NLRP5: variants seen among roughly 807,000 people sequenced by gnomAD.
The protein encoded by NLRP5 is NLR family pyrin domain containing 5, also known as NACHT, LRR and PYD domains-containing protein 5.
NLRP5 carries 93 observed loss-of-function variants against 113.1 expected under a neutral mutation model. The ratio of observed to expected loss-of-function variants is 0.82; its 90% CI spans 0.70 to 0.98. NLRP5 has a LOEUF of 0.98. Ranked by LOEUF, NLRP5 falls within the 50% of genes least tolerant of loss-of-function variation. NLRP5 has a pLI of 0.00. For missense variants in NLRP5, 1,808 were observed against 1,514.3 expected (o/e 1.19, Z -3.22); for synonymous variants, 751 against 600.7 (o/e 1.25, Z -3.66).
At chr19:55,997,185 TTG>T (rs1386179447), upstream of NLRP5, among the ~76,000 whole-genome samples, 1 of 151,116 alleles carries the variant, frequency 6.6e-6, no homozygotes, top group African/African-American at 2.5e-5. Flanking sequence ...ATGGGGTTGT[TTG>T]TTTTTTTTCT....
At chr19:56,034,818 G>T (rs879413439) in intron 9 of NLRP5, among the ~76,000 whole-genome samples, 1 of 112,004 alleles carries the variant, frequency 8.9e-6, no homozygotes, top group African/African-American at 2.6e-5. Flanking sequence ...CCAGGGACAC[G>T]TTGGTTGGTT....
upstream of NLRP5, among the ~76,000 whole-genome samples, chr19:55,998,630 G>C (rs1280240704): frequency 2.7e-5 from 4 of 147,826 alleles, no homozygotes; most frequent in Admixed American, 2.7e-4. Flanking sequence ...TCCAGCCCGG[G>C]CGACAATGCA....
chr19:56,033,096 A>C (rs988637343), intron 8 of NLRP5, among the ~76,000 whole-genome samples: 2 of 151,972 alleles, frequency 1.3e-5, no homozygotes, highest in Middle Eastern at 3.2e-3. Flanking sequence ...AAATACAAAA[A>C]AAAAATTAGC....
the NLRP5 span, among the ~76,000 whole-genome samples, chr19:55,992,569 T>C: frequency 5.3e-5 from 8 of 152,136 alleles, no homozygotes; most frequent in African/African-American, 1.9e-4. Flanking sequence ...AACATTCTTA[T>C]GGGATTCTCT....
At chr19:55,991,359 C>G in the NLRP5 span, among the ~76,000 whole-genome samples, 1 of 152,106 alleles carries the variant, frequency 6.6e-6, no homozygotes, top group Non-Finnish European at 1.5e-5. Context: ...ATTTTCTTGT[C>G]TAGTTTTGGC....
At chr19:55,987,834 G>A in the NLRP5 span, 8 of 1,613,836 alleles carry the variant, frequency 5.0e-6, no homozygotes, top group East Asian at 2.2e-5. Flanking sequence ...GCCTGGACTC[G>A]AATAACTAGC....
At chr19:56,036,725 G>C (rs11084421) in intron 9 of NLRP5, among the ~76,000 whole-genome samples, 5 of 151,988 alleles carry the variant, frequency 3.3e-5, no homozygotes, top group Non-Finnish European at 1.5e-5. Context: ...GGGAGGCTGA[G>C]GCAGGTGGCT....
intron 11 of NLRP5, among the ~76,000 whole-genome samples, chr19:56,042,456 C>G (rs140446736): frequency 4.6e-5 from 7 of 152,170 alleles, no homozygotes; most frequent in Non-Finnish European, 1.5e-5. Flanking sequence ...TCAAGCGATT[C>G]TCCTGCTTCA....
At chr19:56,061,182 G>T (rs72629149) in intron 14 of NLRP5, among the ~76,000 whole-genome samples, 20,452 of 152,198 alleles carry the variant, frequency 0.13, 1,588 homozygotes, top group East Asian at 0.31. Context: ...ATAAGTGGAG[G>T]GGGAGTCTCC....
chr19:55,987,496 C>T, the NLRP5 span, among the ~76,000 whole-genome samples: 1 of 152,156 alleles, frequency 6.6e-6, no homozygotes, highest in Admixed American at 6.5e-5. Context: ...CTATGGTTAA[C>T]CGTAACTTAG....
chr19:56,004,086 G>A lies in NLRP5; in HGVS notation c.433G>A (p.Asp145Asn). The A allele has an allele frequency of 1.2e-6, 2 of 1,602,496 alleles. No homozygotes were observed. The highest frequency in any genetic ancestry group is 1.7e-6 in the Non-Finnish European group (2 of 1,173,484). Residue 145 changes from aspartate (D) to asparagine (N), a missense_variant, in exon 2 of 15, where the codon GAC becomes AAC. By Grantham distance (23) the Asp-to-Asn change is conservative (BLOSUM62 1). Coordinates refer to ENST00000390649, the MANE Select transcript of NLRP5 (RefSeq NM_153447.4). ...AACCCTCTCGGAGAAGGCACGGGATGACATGAAAAGTAAGCGAGACTTGGG... is the reference window on the plus strand; with the variant it reads ...AACCCTCTCGGAGAAGGCACGGGATAACATGAAAAGTAAGCGAGACTTGGG...
chr19:55,998,694 A>ATATG (rs1981445562), upstream of NLRP5, among the ~76,000 whole-genome samples: 20 of 58,036 alleles, frequency 3.4e-4, no homozygotes, highest in African/African-American at 1.5e-3. Flanking sequence ...ATATATATAT[A>ATATG]TATATATATG....
chr19:56,013,596 G>GGGT (rs1555765383), intron 3 of NLRP5, among the ~76,000 whole-genome samples: 1 of 59,286 alleles, frequency 1.7e-5, no homozygotes, highest in African/African-American at 8.7e-5. Flanking sequence ...GGACATTTGG[G>GGGT]TTTTTTTTTT....
At chr19:55,987,372 G>A in the NLRP5 span, among the ~76,000 whole-genome samples, 5 of 152,224 alleles carry the variant, frequency 3.3e-5, no homozygotes, top group Admixed American at 2.6e-4. Flanking sequence ...TTCGTCTCAA[G>A]TAAAAATTAA....
intron 13 of NLRP5, among the ~76,000 whole-genome samples, chr19:56,056,353 T>C (rs140374937): frequency 1.3e-5 from 2 of 151,726 alleles, no homozygotes; most frequent in African/African-American, 2.4e-5. Context: ...AGGTCAAGAG[T>C]TCGAGACCAG....
intron 7 of NLRP5, among the ~76,000 whole-genome samples, chr19:56,029,101 T>TATGGTGTCCAGGGCC (rs1982993511): frequency 6.6e-6 from 1 of 151,904 alleles, no homozygotes; most frequent in Admixed American, 6.6e-5. Context: ...GCTTATTTGG[T>TATGGTGTCCAGGGCC]ATGGTGTCCA....
intron 7 of NLRP5, among the ~76,000 whole-genome samples, chr19:56,031,917 G>A (rs772629601): frequency 7.2e-5 from 11 of 152,094 alleles, no homozygotes; most frequent in African/African-American, 2.4e-5. Context: ...AGTTCTTCCG[G>A]GTATACACCC....
intron 4 of NLRP5, among the ~76,000 whole-genome samples, chr19:56,017,955 T>A (rs73934626): frequency 0.02 from 3,086 of 152,346 alleles, 96 homozygotes; most frequent in African/African-American, 0.07. Context: ...CTGTATTTTT[T>A]AATATTTATT....
chr19:56,037,240 T>G (rs77542863), intron 9 of NLRP5, among the ~76,000 whole-genome samples: 1 of 152,156 alleles, frequency 6.6e-6, no homozygotes, highest in Admixed American at 6.6e-5. Context: ...TCCCGGAAGC[T>G]CGTGCCCTTC....
Sources: allele counts gnomAD v4.1 joint callset (sites outside exome capture counted in the v4.1 genomes callset), GRCh38; gene constraint gnomAD v4.1.1; transcripts MANE v1.5; gene names NCBI Gene and HGNC (gene_info 2026-07-23, HGNC 2026-07-21).